The following MAP3K2 variants were observed in gnomAD, a reference collection of about 807,000 sequenced individuals.
MAP3K2 encodes the protein MAP/ERK kinase kinase 2.
Under a neutral mutation model 80.3 loss-of-function variants are expected in MAP3K2, and 24 were observed. The ratio of observed to expected loss-of-function variants is 0.30; its 90% CI spans 0.22 to 0.42. The LOEUF is 0.42. MAP3K2 is among the 10% of genes least tolerant of loss of function. The pLI, the probability that MAP3K2 is intolerant of heterozygous loss-of-function variation, is 1.00. For synonymous variants in MAP3K2, 244 were observed against 253.7 expected (o/e 0.96, Z 0.36); for missense variants, 608 against 750.1 (o/e 0.81, Z 2.21).
intron 1 of MAP3K2, among the ~76,000 whole-genome samples, chr2:127,352,943 C>T (rs1427629313): frequency 1.3e-5 from 2 of 152,148 alleles, no homozygotes; most frequent in South Asian, 2.1e-4. Flanking sequence ...TCAAGTGATC[C>T]GCCAGCCTCG....
chr2:127,367,491 T>C (rs1195456283), intron 1 of MAP3K2, among the ~76,000 whole-genome samples: 1 of 152,160 alleles, frequency 6.6e-6, no homozygotes, highest in African/African-American at 2.4e-5. Flanking sequence ...TAGAATAAAA[T>C]ACTTTGGATT....
chr2:127,322,202 A>T lies in MAP3K2; in HGVS notation c.889T>A (p.Ser297Thr), dbSNP rs1477071083. ...ARRTQGTSLR[S>T]PVSFSPTDHS... is the part of the protein sequence containing the mutation. ...TCAGTAGGACTGAAACTCACAGGAGACCGTAAGCTGGTCCCCTGGGTCCTT... is the reference window on the plus strand; with the variant it reads ...TCAGTAGGACTGAAACTCACAGGAGTCCGTAAGCTGGTCCCCTGGGTCCTT... Residue 297 changes from serine to threonine, a missense_variant, in exon 12 of 17, where the codon TCT becomes ACT. By Grantham distance (58) the Ser-to-Thr change is moderately conservative (BLOSUM62 1). Coordinates refer to ENST00000682094, the MANE Select transcript of MAP3K2 (RefSeq NM_001371910.2). The surrounding 1 kb of genome is among the most constrained non-coding windows in gnomAD (Gnocchi z 4.2). The T allele has an allele frequency of 6.2e-7, 1 of 1,613,996 alleles. No individual in the cohort carries two copies. Among genetic ancestry groups the T allele is most frequent in the Non-Finnish European group, 8.5e-7 (1 of 1,179,884 alleles).
In MAP3K2 at chr2:127,387,443, C is replaced by T; in HGVS notation, c.-66+9G>A. On this transcript the variant is annotated intron_variant, in intron 1 of 16. Transcript: ENST00000682094. The stretch of plus-strand genomic sequence containing the variant: ...ACACAAGCGCGCGCGCACGCACACA[C>T]GCACGTACCGGCTGCTCCGCAGGGA... The T allele has an allele frequency of 1.0e-6, 1 of 984,922 alleles. No individual in the cohort carries two copies. The highest frequency in any genetic ancestry group is 1.2e-6 in the Non-Finnish European group (1 of 830,486). The allele number at this position is 984,922 out of a possible 1,614,324, so 61.0% of individuals were successfully genotyped here. A position where few individuals can be genotyped will look rare whatever the true frequency, so the allele number is the denominator to read the frequency against.
At position 127,303,222 on chromosome 2, in the gene MAP3K2, G is replaced by A. The variant is rs1685630647; in HGVS notation, c.*4357C>T. 6.6e-6 allele frequency: 1 copy of A among 151,536 alleles called. No homozygotes were observed. The highest frequency in any genetic ancestry group is 1.5e-5 in the Non-Finnish European group (1 of 67,990). 9.4% of individuals were successfully genotyped at this position (151,536 alleles called of 1,614,324 possible). ...ATCTCAAGGAACTGTCCTGATCTTA[G>A]TATAAATAACACTGTTGACAGAGTT... On this transcript the variant is annotated 3_prime_UTR_variant, in exon 17 of 17. Transcript: ENST00000682094.
rs1685543860 is a variant in MAP3K2, at chr2:127,299,234, T to A, written c.*8345A>T. The A allele has an allele frequency of 6.6e-6, 1 of 152,180 alleles. No homozygotes were observed. The allele number at this position is 152,180 out of a possible 1,614,324, so 9.4% of individuals were successfully genotyped here. A position where few individuals can be genotyped will look rare whatever the true frequency, so the allele number is the denominator to read the frequency against. On this transcript the variant is annotated 3_prime_UTR_variant, in exon 17 of 17. Transcript: ENST00000682094. ...CCGCATATTTAAAACAAAGTTTTCTTTAATACTACATTGTCTGATTGGAAA... is the reference window on the plus strand; with the variant it reads ...CCGCATATTTAAAACAAAGTTTTCTATAATACTACATTGTCTGATTGGAAA...
Position 127,311,328 on chromosome 2 carries a change from C to T in MAP3K2, c.1457-2566G>A, listed in dbSNP as rs191933266. On this transcript the variant is annotated intron_variant, in intron 15 of 16. Transcript: ENST00000682094. ...TTAACCAGTGGAAGGACAACAAAGCCCATTTTTTACTGGCTACAAGCAGGG... is the reference window on the plus strand; with the variant it reads ...TTAACCAGTGGAAGGACAACAAAGCTCATTTTTTACTGGCTACAAGCAGGG... 4.6e-5 allele frequency among the ~76,000 whole-genome samples: 7 copies of T among 152,230 alleles called. No individual in the cohort carries two copies. In the East Asian group the frequency reaches 1.2e-3, roughly 25 times the overall value.
In MAP3K2 at chr2:127,375,999, G is replaced by A. The variant is rs564220004; in HGVS notation, c.-66+11453C>T. ...CTGGAATATGAGCAGTTACCACCAC[G>A]CCTGACAAACCTACTGCACATATCT... On this transcript the variant is annotated intron_variant, in intron 1 of 16. Coordinates refer to ENST00000682094, the MANE Select transcript of MAP3K2 (RefSeq NM_001371910.2). 5.3e-5 allele frequency among the ~76,000 whole-genome samples: 8 copies of A among 152,188 alleles called. No homozygotes were observed. The East Asian group carries it at 5.8e-4, about 11-fold the overall frequency.
chr2:127,334,721 T>C (rs929223133), intron 5 of MAP3K2, among the ~76,000 whole-genome samples: 3 of 151,490 alleles, frequency 2.0e-5, no homozygotes, highest in Non-Finnish European at 2.9e-5. Flanking sequence ...GCTGGGATTA[T>C]AGGCATGAGC....
At chr2:127,383,077 G>A (rs1433645362) in intron 1 of MAP3K2, among the ~76,000 whole-genome samples, 3 of 152,200 alleles carry the variant, frequency 2.0e-5, no homozygotes, top group Admixed American at 2.0e-4. Flanking sequence ...AGGAGCAAGT[G>A]AGAGAGTGGA....
rs758368791 is a variant in MAP3K2, at chr2:127,324,207, G to C, written c.712C>G (p.Gln238Glu). Residue 238 changes from glutamine to glutamate, a missense_variant, in exon 10 of 17, where the codon CAG becomes GAG. Physicochemically the swap from Gln to Glu is conservative, Grantham distance 29. Transcript: ENST00000682094. Reference protein sequence around the residue: ...SYPKSRMPRAQSYPDNHQEFS... With the variant: ...SYPKSRMPRAESYPDNHQEFS... ...TCCTGATGATTATCTGGGTAGCTCT[G>C]AGCCCTAGGCATTCGTGATTTTGGA... 6.4e-7 allele frequency: 1 copy of C among 1,566,398 alleles called. No homozygotes were observed. Among genetic ancestry groups the C allele is most frequent in the Non-Finnish European group, 8.6e-7 (1 of 1,156,402 alleles).
chr2:127,299,579 G>A lies in MAP3K2; in HGVS notation c.*8000C>T, dbSNP rs1443032046. ...TTTCCATAGCTCTGAGAATTCAAAG[G>A]CCATTTTTAGCGGTGTGTTTTTGCT... is the stretch of plus-strand genomic sequence containing the variant. On this transcript the variant is annotated 3_prime_UTR_variant, in exon 17 of 17. Transcript: ENST00000682094. The A allele has an allele frequency of 6.6e-6, 1 of 152,008 alleles. No individual in the cohort carries two copies. Among genetic ancestry groups the A allele is most frequent in the African/African-American group, 2.4e-5 (1 of 41,400 alleles). 9.4% of individuals were successfully genotyped at this position (152,008 alleles called of 1,614,324 possible).
At chr2:127,361,101 C>A (rs1270145190) in intron 1 of MAP3K2, among the ~76,000 whole-genome samples, 2 of 151,988 alleles carry the variant, frequency 1.3e-5, no homozygotes, top group African/African-American at 4.8e-5. Context: ...ATCACGAGGT[C>A]AGGAGATCGA....
At position 127,335,880 on chromosome 2, in the gene MAP3K2, G is replaced by C. The variant is rs1321124450; in HGVS notation, c.254C>G (p.Thr85Ser). 6.5e-7 allele frequency: 1 copy of C among 1,544,830 alleles called. No homozygotes were observed. The highest frequency in any genetic ancestry group is 2.3e-5 in the East Asian group (1 of 42,986). The stretch of plus-strand genomic sequence containing the variant: ...ACTGTACATGTTTACCTCGTTATTG[G>C]TATAATGTAGATCCATAGACTGTCC... ...AFGQSMDLHY[T>S]NNELVIPLTT... The change falls in exon 5 of 17, where the codon ACC becomes AGC. Residue 85 changes from threonine (T) to serine (S), a missense_variant. Thr to Ser is a moderately conservative substitution (Grantham distance 58). Transcript: ENST00000682094.
At chr2:127,370,683 T>C (rs978819408) in intron 1 of MAP3K2, among the ~76,000 whole-genome samples, 4 of 152,214 alleles carry the variant, frequency 2.6e-5, no homozygotes, top group African/African-American at 7.2e-5. Flanking sequence ...CATAGAGCTC[T>C]AGGAACAAGT....
At chr2:127,335,368 A>C (rs1477981637) in intron 5 of MAP3K2, among the ~76,000 whole-genome samples, 2 of 152,254 alleles carry the variant, frequency 1.3e-5, no homozygotes, top group Non-Finnish European at 2.9e-5. Flanking sequence ...TCCTAAGTTT[A>C]CAGAACATTA....
At chr2:127,387,074 C>T (rs1687365728) in intron 1 of MAP3K2, among the ~76,000 whole-genome samples, 1 of 152,004 alleles carries the variant, frequency 6.6e-6, no homozygotes, top group Non-Finnish European at 1.5e-5. Flanking sequence ...AAGGGGGAAA[C>T]AACCTTACAT....
At chr2:127,369,548 C>T (rs1021284663) in intron 1 of MAP3K2, among the ~76,000 whole-genome samples, 1 of 148,282 alleles carries the variant, frequency 6.7e-6, no homozygotes, top group African/African-American at 2.5e-5. Context: ...GATCTCTTTC[C>T]AAAGACTAAT....
chr2:127,356,572 C>T (rs985505330), intron 1 of MAP3K2, among the ~76,000 whole-genome samples: 1 of 152,096 alleles, frequency 6.6e-6, no homozygotes, highest in South Asian at 2.1e-4. Context: ...AGGCTGGTTG[C>T]AAACTCTTGG....
At chr2:127,343,996 C>T (rs1052392288) in intron 1 of MAP3K2, among the ~76,000 whole-genome samples, 2 of 151,416 alleles carry the variant, frequency 1.3e-5, no homozygotes, top group Non-Finnish European at 2.9e-5. Context: ...GGCGACACAG[C>T]GAGACTGCCT....
Sources: gnomAD v4.1 joint callset for allele counts (sites outside exome capture counted in the v4.1 genomes callset) on GRCh38, gnomAD v4.1.1 for gene constraint, Gnocchi (gnomAD v3.1) non-coding constraint, MANE v1.5 for transcripts, NCBI Gene and HGNC (gene_info 2026-07-23, HGNC 2026-07-21) for gene names.